Variants in CHD9 observed in about 807,000 individuals in gnomAD.
The protein encoded by CHD9 is ATP-dependent chromatin remodeler CHD9.
CHD9 carries 77 observed loss-of-function variants against 316.1 expected under a neutral mutation model. The ratio of observed to expected loss-of-function variants is 0.24; its 90% CI spans 0.20 to 0.29. The LOEUF is 0.29. Ranked by LOEUF, CHD9 falls within the 10% of genes least tolerant of loss-of-function variation. The pLI, the probability that CHD9 is intolerant of heterozygous loss-of-function variation, is 1.00. For missense variants in CHD9, 2,763 were observed against 3,438.1 expected, an observed-to-expected ratio of 0.80 and a Z score of 4.91; for synonymous variants, 1,129 against 1,158.3, an observed-to-expected ratio of 0.97 and a Z score of 0.51.
At chr16:53,158,448 G>A (rs959655916) in intron 2 of CHD9, among the ~76,000 whole-genome samples, 6 of 152,050 alleles carry the variant, frequency 3.9e-5, no homozygotes, top group African/African-American at 1.4e-4. Context: ...TTTGATACCA[G>A]ACTACCTGGT....
At chr16:53,195,411 G>T (rs754478982) in intron 2 of CHD9, among the ~76,000 whole-genome samples, 3 of 152,092 alleles carry the variant, frequency 2.0e-5, no homozygotes, top group Non-Finnish European at 2.9e-5. Context: ...GCTTAAAATG[G>T]CACTCATTTA....
At position 53,141,923 on chromosome 16, in the gene CHD9, A is replaced by T. The variant is rs114261654; in HGVS notation, c.-164-14003A>T. On this transcript the variant is annotated intron_variant, in intron 1 of 38. Transcript: ENST00000447540. ...GAACATATTAATGGAGGTGTGAGAA[A>T]GTTTGTTGAATTCAGGCAACATTTC... Among the ~76,000 whole-genome samples the T allele has an allele frequency of 2.3e-3, 356 of 152,244 alleles. 1 individual carries two copies. The highest frequency in any genetic ancestry group is 8.4e-3 in the African/African-American group (351 of 41,540).
intron 1 of CHD9, among the ~76,000 whole-genome samples, chr16:53,151,065 T>C (rs1488799228): frequency 6.6e-6 from 1 of 152,118 alleles, no homozygotes; most frequent in Non-Finnish European, 1.5e-5. Context: ...TCTGCCCTTT[T>C]CTCTCTCTCC....
chr16:53,323,639 A>C (rs1412828894), intron 38 of CHD9, among the ~76,000 whole-genome samples: 1 of 152,182 alleles, frequency 6.6e-6, no homozygotes, highest in Non-Finnish European at 1.5e-5. Flanking sequence ...TGTTCTTCCC[A>C]ATTAGAAGGG....
intron 2 of CHD9, among the ~76,000 whole-genome samples, chr16:53,194,437 A>T (rs1428810500): frequency 6.6e-6 from 1 of 152,044 alleles, no homozygotes; most frequent in Non-Finnish European, 1.5e-5. Flanking sequence ...ATCCAGGCAT[A>T]GTGACGCAGG....
At chr16:53,124,011 T>G (rs2038862036) in intron 1 of CHD9, among the ~76,000 whole-genome samples, 1 of 152,200 alleles carries the variant, frequency 6.6e-6, no homozygotes, top group Admixed American at 6.5e-5. Context: ...CTGATAGACA[T>G]TTGGGTTGTT....
At chr16:53,189,988 T>C (rs1028449708) in intron 2 of CHD9, among the ~76,000 whole-genome samples, 5 of 152,116 alleles carry the variant, frequency 3.3e-5, no homozygotes, top group Non-Finnish European at 7.4e-5. Context: ...CAACCTCTTA[T>C]TTAAAATACT....
chr16:53,121,981 A>G (rs1336759547), intron 1 of CHD9: 2 of 152,260 alleles, frequency 1.3e-5, no homozygotes, highest in Non-Finnish European at 2.9e-5. Context: ...GTGCTGAGAG[A>G]CAAAAATCAT....
intron 1 of CHD9, among the ~76,000 whole-genome samples, chr16:53,089,303 C>T (rs1001581710): frequency 6.6e-6 from 1 of 151,918 alleles, no homozygotes; most frequent in Admixed American, 6.6e-5. Flanking sequence ...CAAAACAAAA[C>T]AAAAGAAAAT....
intron 1 of CHD9, among the ~76,000 whole-genome samples, chr16:53,146,833 A>C (rs2152724794): frequency 6.6e-6 from 1 of 151,496 alleles, no homozygotes; most frequent in Middle Eastern, 3.5e-3. Flanking sequence ...GACTTTTGTT[A>C]CACGTATTTT....
intron 30 of CHD9, chr16:53,298,474 C>T (rs1275478908): frequency 6.5e-6 from 1 of 152,706 alleles, no homozygotes; most frequent in East Asian, 1.9e-4. Context: ...ATAGGGAGAC[C>T]CCATCTCTAC....
At chr16:53,164,893 G>C (rs1039067975) in intron 2 of CHD9, among the ~76,000 whole-genome samples, 1 of 152,048 alleles carries the variant, frequency 6.6e-6, no homozygotes, top group African/African-American at 2.4e-5. Context: ...GACCTCAAGT[G>C]ATCTGCCCTT....
intron 1 of CHD9, among the ~76,000 whole-genome samples, chr16:53,066,714 C>G (rs2033556526): frequency 6.6e-6 from 1 of 152,108 alleles, no homozygotes; most frequent in South Asian, 2.1e-4. Context: ...ATTGCTGTGT[C>G]CGCTCCTTCT....
intron 1 of CHD9, among the ~76,000 whole-genome samples, chr16:53,130,620 G>A (rs1170081174): frequency 2.0e-5 from 3 of 151,366 alleles, no homozygotes; most frequent in African/African-American, 7.3e-5. Context: ...AGCCTTCCCC[G>A]CCCCGAGGCC....
At chr16:53,126,802 C>A (rs1299797558) in intron 1 of CHD9, among the ~76,000 whole-genome samples, 1 of 152,086 alleles carries the variant, frequency 6.6e-6, no homozygotes, top group Non-Finnish European at 1.5e-5. Flanking sequence ...CCTCAGCCTC[C>A]CGAGTAGCTA....
At chr16:53,288,069 T>G in intron 27 of CHD9, 55 bp downstream of exon 27, 1 of 1,304,764 alleles carries the variant, frequency 7.7e-7, no homozygotes, top group Non-Finnish European at 1.1e-6. Context: ...TTTGGTTTCT[T>G]GTGTTTGCTT....
rs565608341 is a variant in CHD9, at chr16:53,103,148, A to T, written c.-165+48071A>T. 1.4e-4 allele frequency among the ~76,000 whole-genome samples: 17 copies of T among 122,968 alleles called. No homozygotes were observed. In the East Asian group the frequency reaches 3.5e-3, roughly 25 times the overall value. 80.7% of individuals were successfully genotyped at this position (122,968 alleles called of 152,430 possible). ...GCATGAGCCACCCCACCTGGCCCTG[A>T]CCCTGTCTCTTTAAAAAAAAAAAAA... On this transcript the variant is annotated intron_variant, in intron 1 of 38. Coordinates refer to ENST00000447540, the MANE Select transcript of CHD9 (RefSeq NM_001308319.2).
chr16:53,226,970 A>G (rs1445594213), intron 5 of CHD9, among the ~76,000 whole-genome samples: 2 of 152,178 alleles, frequency 1.3e-5, no homozygotes, highest in East Asian at 1.9e-4. Flanking sequence ...CCTGAATGCC[A>G]TATGTGCTTC....
intron 1 of CHD9, among the ~76,000 whole-genome samples, chr16:53,093,479 C>T (rs2036121559): frequency 6.6e-6 from 1 of 152,192 alleles, no homozygotes; most frequent in Non-Finnish European, 1.5e-5. Context: ...TTCGCTCATT[C>T]AAGAACTATT....
Sources: gnomAD v4.1 joint callset for allele counts (sites outside exome capture counted in the v4.1 genomes callset) on GRCh38, gnomAD v4.1.1 for gene constraint, MANE v1.5 for transcripts, NCBI Gene and HGNC (gene_info 2026-07-23, HGNC 2026-07-21) for gene names.